Variants in DAB1 observed in about 807,000 individuals in gnomAD.
DAB1 encodes the protein disabled homolog 1.
In DAB1, 15 loss-of-function variants were observed where a neutral mutation model predicts 64.6. That is an observed-to-expected ratio of 0.23 (90% confidence interval 0.16 to 0.36). The LOEUF (loss-of-function observed/expected upper bound fraction) is 0.36, where lower values mean the gene tolerates loss of function less well. DAB1 is among the 10% of genes least tolerant of loss of function. The probability of loss-of-function intolerance (pLI) is 1.00; values close to 1 mark genes in which losing one functional copy is unlikely to be tolerated. For synonymous variants in DAB1, 235 were observed against 251.9 expected, an observed-to-expected ratio of 0.93 and a Z score of 0.64; for missense variants, 596 against 706.7, an observed-to-expected ratio of 0.84 and a Z score of 1.78.
chr1:57,900,309 G>C (rs1569950163), intron 5 of DAB1, among the ~76,000 whole-genome samples: 1 of 152,284 alleles, frequency 6.6e-6, no homozygotes, highest in South Asian at 2.1e-4. Flanking sequence ...GCACACACTG[G>C]GGGGTATTGG....
intron 3 of DAB1, among the ~76,000 whole-genome samples, chr1:58,426,537 C>T (rs911296595): frequency 1.3e-5 from 2 of 152,100 alleles, no homozygotes; most frequent in East Asian, 1.9e-4. Flanking sequence ...GAGCCAATGG[C>T]GTGGTTCTAG....
intron 3 of DAB1, among the ~76,000 whole-genome samples, chr1:58,430,757 C>A (rs1453476092): frequency 6.6e-6 from 1 of 152,204 alleles, no homozygotes; most frequent in East Asian, 1.9e-4. Context: ...CTTAAAGTGA[C>A]AAACCTTGCT....
chr1:58,128,054 T>C (rs1397740748), intron 5 of DAB1, among the ~76,000 whole-genome samples: 1 of 150,942 alleles, frequency 6.6e-6, no homozygotes, highest in East Asian at 1.9e-4. Flanking sequence ...TTGGGCAGTA[T>C]GGCCATTTTC....
chr1:58,100,910 C>T (rs1418185637), intron 5 of DAB1, among the ~76,000 whole-genome samples: 1 of 152,142 alleles, frequency 6.6e-6, no homozygotes, highest in Non-Finnish European at 1.5e-5. Flanking sequence ...AGGTCCAAAA[C>T]ATCAACTACA....
At chr1:58,228,663 G>C in intron 4 of DAB1, 1 of 1,047,740 alleles carries the variant, frequency 9.5e-7, no homozygotes, top group Admixed American at 1.9e-5. Context: ...AATGAGGCCA[G>C]CCTGGCTTGG....
At chr1:58,135,429 T>C (rs1023639768) in intron 5 of DAB1, among the ~76,000 whole-genome samples, 21 of 152,308 alleles carry the variant, frequency 1.4e-4, no homozygotes, top group African/African-American at 4.6e-4. Flanking sequence ...ACCGAGTACC[T>C]GGTACTCAGT....
chr1:57,828,591 G>A lies in DAB1; in HGVS notation n.88-2136C>T, dbSNP rs1652456854. On this transcript the variant is annotated intron_variant and non_coding_transcript_variant, in intron 1 of 1. Transcript: ENST00000477280. ...AAAAAATGAGACAAGAAAAATGGAT[G>A]CAGCCATGTATGCATGTAGATACTG... Among the ~76,000 whole-genome samples the A allele has an allele frequency of 5.9e-5, 9 of 152,196 alleles. No individual in the cohort carries two copies. The South Asian group carries it at 1.9e-3, about 31-fold the overall frequency.
rs1651580896 is a variant in DAB1, at chr1:58,105,540, C to T, written n.387+44971G>A. Among the ~76,000 whole-genome samples the T allele has an allele frequency of 2.6e-5, 4 of 152,290 alleles. No individual in the cohort carries two copies. The South Asian group carries it at 8.3e-4, about 32-fold the overall frequency. On this transcript the variant is annotated intron_variant and non_coding_transcript_variant, in intron 5 of 20. Transcript: ENST00000485760. Reference sequence around the variant, plus strand: ...GTTCTAGTCTTGAATTGGCCCCCTACTATCGATGCAAACATGAGGAGTTCA... The same window carrying T: ...GTTCTAGTCTTGAATTGGCCCCCTATTATCGATGCAAACATGAGGAGTTCA...
chr1:58,056,320 GA>G (rs1466516839), intron 5 of DAB1: 1 of 1,559,060 alleles, frequency 6.4e-7, no homozygotes, highest in East Asian at 2.2e-5. Context: ...GCTCGCTTCA[GA>G]AATGTCCCTG....
chr1:57,382,816 C>G (rs1204389817), intron 1 of DAB1, among the ~76,000 whole-genome samples: 1 of 152,100 alleles, frequency 6.6e-6, no homozygotes, highest in Admixed American at 6.6e-5. Flanking sequence ...TGCCGAGTCT[C>G]TTTTTCCATA....
chr1:58,025,245 A>C lies in DAB1; in HGVS notation n.387+125266T>G, dbSNP rs1646872218. Among the ~76,000 whole-genome samples the C allele has an allele frequency of 2.6e-5, 4 of 152,154 alleles. No individual in the cohort carries two copies. The South Asian group carries it at 8.3e-4, about 32-fold the overall frequency. On this transcript the variant is annotated intron_variant and non_coding_transcript_variant, in intron 5 of 20. Transcript: ENST00000485760. ...TAAATACAATATCTTATGTTGCTGG[A>C]AGTGTTTTCGTGGTCATTAGAATCA... is the stretch of plus-strand genomic sequence containing the variant.
chr1:57,392,019 G>A (rs934311997), intron 1 of DAB1, among the ~76,000 whole-genome samples: 1 of 152,060 alleles, frequency 6.6e-6, no homozygotes, highest in African/African-American at 2.4e-5. Flanking sequence ...ACTCATTCAG[G>A]TACACTTTAA....
At chr1:58,522,965 T>G (rs1646290665) in intron 2 of DAB1, among the ~76,000 whole-genome samples, 1 of 152,148 alleles carries the variant, frequency 6.6e-6, no homozygotes, top group Non-Finnish European at 1.5e-5. Context: ...AAGGCAGGCA[T>G]AATCAGTGTA....
At chr1:57,611,945 T>C (rs1412672318) in intron 7 of DAB1, among the ~76,000 whole-genome samples, 1 of 152,134 alleles carries the variant, frequency 6.6e-6, no homozygotes, top group Non-Finnish European at 1.5e-5. Flanking sequence ...TGCCAACTGT[T>C]ATGTAGTGTC....
chr1:57,898,874 G>A (rs527883876), intron 5 of DAB1, among the ~76,000 whole-genome samples: 4 of 152,264 alleles, frequency 2.6e-5, no homozygotes, highest in South Asian at 2.1e-4. Flanking sequence ...GTGTGCGTGC[G>A]TGTATGCGCG....
chr1:57,423,155 G>T (rs1198195715), intron 1 of DAB1, among the ~76,000 whole-genome samples: 1 of 144,366 alleles, frequency 6.9e-6, no homozygotes, highest in Admixed American at 7.1e-5. Context: ...TTCCTTGGTA[G>T]AAAAAAAAAC....
Position 57,490,245 on chromosome 1 carries a change from C to A in DAB1, n.625+159347G>T, listed in dbSNP as rs1015239386. On this transcript the variant is annotated intron_variant and non_coding_transcript_variant, in intron 7 of 20. Transcript: ENST00000485760. The stretch of plus-strand genomic sequence containing the variant: ...CACTGAATGAACTAAGACATAACAT[C>A]TTTATTTATTAATTTACTCATTTAC... Among the ~76,000 whole-genome samples the A allele has an allele frequency of 9.9e-5, 15 of 152,188 alleles. No homozygotes were observed. The East Asian group carries it at 2.7e-3, about 27-fold the overall frequency.
intron 3 of DAB1, among the ~76,000 whole-genome samples, chr1:58,470,859 G>C (rs1645349821): frequency 6.6e-6 from 1 of 152,044 alleles, no homozygotes; most frequent in Admixed American, 6.6e-5. Flanking sequence ...CTTCTTATTT[G>C]ATTGAGCGAA....
chr1:57,963,672 G>A (rs61154005), intron 5 of DAB1, among the ~76,000 whole-genome samples: 4,870 of 152,188 alleles, frequency 0.032, 269 homozygotes, highest in African/African-American at 0.11. Flanking sequence ...GACACCCTGC[G>A]TCACGCCCAT....
Sources: allele counts gnomAD v4.1 joint callset (sites outside exome capture counted in the v4.1 genomes callset), GRCh38; gene constraint gnomAD v4.1.1; transcripts MANE v1.5; gene names NCBI Gene and HGNC (gene_info 2026-07-23, HGNC 2026-07-21).